PCMTD1: variants seen among roughly 807,000 people sequenced by gnomAD.
PCMTD1 encodes protein-L-isoaspartate (D-aspartate) O-methyltransferase domain containing 1.
A neutral mutation model predicts 37.6 loss-of-function variants in PCMTD1; 12 were observed. The observed-to-expected ratio is 0.32, with a 90% CI of 0.20 to 0.52. The LOEUF (loss-of-function observed/expected upper bound fraction) is 0.52, where lower values mean the gene tolerates loss of function less well. Among genes scored for constraint, PCMTD1 ranks in the 20% least tolerant of loss-of-function variants. The pLI is 0.97. For missense variants in PCMTD1, 235 were observed against 421.3 expected (o/e 0.56, Z 3.87); for synonymous variants, 117 against 135.8 (o/e 0.86, Z 0.96).
chr8:51,850,191 G>C, intron 2 of PCMTD1: 1 of 661,072 alleles, frequency 1.5e-6, no homozygotes, highest in Non-Finnish European at 2.7e-6. Flanking sequence ...TGTAAGACCG[G>C]TTCCCACTGT....
chr8:51,828,197 T>G (rs141375631), intron 5 of PCMTD1, among the ~76,000 whole-genome samples: 358 of 152,324 alleles, frequency 2.4e-3, no homozygotes, highest in African/African-American at 7.6e-3. Flanking sequence ...ATGATACTTA[T>G]GGTTGGGTCA....
chr8:51,898,789 T>A (rs1385834030), intron 1 of PCMTD1, 141 bp downstream of exon 1: 7 of 635,400 alleles, frequency 1.1e-5, no homozygotes, highest in Non-Finnish European at 1.4e-5. Context: ...CTGCCCGCCC[T>A]TAAGTCCCCC....
intron 1 of PCMTD1, among the ~76,000 whole-genome samples, chr8:51,891,670 C>T (rs956243234): frequency 7.7e-6 from 1 of 129,992 alleles, no homozygotes; most frequent in South Asian, 2.6e-4. Context: ...AAAAAAAAAA[C>T]AAAAAATATA....
intron 1 of PCMTD1, among the ~76,000 whole-genome samples, chr8:51,897,764 G>T (rs547122032): frequency 6.6e-6 from 1 of 152,090 alleles, no homozygotes; most frequent in Non-Finnish European, 1.5e-5. Context: ...TGAAGAAAAG[G>T]CTTCCCCAAG....
chr8:51,876,714 G>A (rs1215715723), intron 1 of PCMTD1, among the ~76,000 whole-genome samples: 1 of 152,126 alleles, frequency 6.6e-6, no homozygotes, highest in Non-Finnish European at 1.5e-5. Flanking sequence ...TGGCCAAACT[G>A]AATACATTTT....
chr8:51,831,410 A>G, intron 5 of PCMTD1, 34 bp downstream of exon 5: 3 of 1,604,952 alleles, frequency 1.9e-6, no homozygotes, highest in Non-Finnish European at 2.6e-6. Flanking sequence ...ACCATAAGTC[A>G]TAATTCAATC....
chr8:51,849,298 G>C (rs1302261376), intron 2 of PCMTD1: 1 of 151,944 alleles, frequency 6.6e-6, no homozygotes, highest in Non-Finnish European at 1.5e-5. Flanking sequence ...GTAATATATA[G>C]CTAATAGGTA....
At chr8:51,854,749 T>C (rs1331036693) in intron 2 of PCMTD1, among the ~76,000 whole-genome samples, 2 of 152,088 alleles carry the variant, frequency 1.3e-5, no homozygotes, top group Non-Finnish European at 2.9e-5. Context: ...TGGCGGCACA[T>C]GCCTGCAATC....
chr8:51,858,765 A>C (rs2038428408), intron 2 of PCMTD1, among the ~76,000 whole-genome samples: 1 of 152,206 alleles, frequency 6.6e-6, no homozygotes, highest in Admixed American at 6.5e-5. Flanking sequence ...TACAAAGATA[A>C]ATCCTGGAAT....
intron 1 of PCMTD1, among the ~76,000 whole-genome samples, chr8:51,875,952 GTGTGTGTGTC>G (rs1214604403): frequency 1.3e-5 from 2 of 149,356 alleles, no homozygotes; most frequent in African/African-American, 2.4e-5. Context: ...GTGTGTGTGT[GTGTGTGTGTC>G]TGTGTGTGTG....
At chr8:51,871,233 G>T (rs945481741) in intron 1 of PCMTD1, among the ~76,000 whole-genome samples, 4 of 152,172 alleles carry the variant, frequency 2.6e-5, no homozygotes, top group African/African-American at 9.7e-5. Flanking sequence ...GAAGTGAGAG[G>T]TGTCTAAAAG....
At chr8:51,829,975 T>TA (rs1563336727) in intron 5 of PCMTD1, among the ~76,000 whole-genome samples, 1 of 152,078 alleles carries the variant, frequency 6.6e-6, no homozygotes, top group Non-Finnish European at 1.5e-5. Context: ...ACCTCATGGT[T>TA]AAAAAAACTA....
At chr8:51,844,874 C>T (rs1020267926) in intron 3 of PCMTD1, 7 of 152,134 alleles carry the variant, frequency 4.6e-5, no homozygotes, top group African/African-American at 1.7e-4. Flanking sequence ...AGTGTTTTTG[C>T]CTAAAACTTT....
At chr8:51,891,091 C>G (rs2038929194) in intron 1 of PCMTD1, among the ~76,000 whole-genome samples, 1 of 152,134 alleles carries the variant, frequency 6.6e-6, no homozygotes, top group Non-Finnish European at 1.5e-5. Context: ...GGGAAAAAAG[C>G]AAAATCAAAT....
chr8:51,851,807 C>T (rs1244233393), intron 2 of PCMTD1, among the ~76,000 whole-genome samples: 3 of 152,086 alleles, frequency 2.0e-5, no homozygotes, highest in African/African-American at 7.2e-5. Flanking sequence ...TGAGCCACCA[C>T]GCCCGGCTAA....
chr8:51,873,850 G>A (rs2395826), intron 1 of PCMTD1, among the ~76,000 whole-genome samples: 76,673 of 151,778 alleles, frequency 0.51, 23,437 homozygotes, highest in Non-Finnish European at 0.68. Context: ...AGAACCATGA[G>A]CCAAACAAGC....
intron 3 of PCMTD1, among the ~76,000 whole-genome samples, chr8:51,843,373 T>C (rs1455561560): frequency 6.6e-6 from 1 of 152,142 alleles, no homozygotes; most frequent in Non-Finnish European, 1.5e-5. Flanking sequence ...GACTAGTTCA[T>C]GAATGTAAGA....
intron 1 of PCMTD1, among the ~76,000 whole-genome samples, chr8:51,880,194 T>C (rs2038772383): frequency 8.5e-6 from 1 of 117,070 alleles, no homozygotes; most frequent in African/African-American, 2.5e-5. Context: ...AGCAAGATCC[T>C]GTCTCCTTTT....
chr8:51,872,484 A>G (rs914287519), intron 1 of PCMTD1, among the ~76,000 whole-genome samples: 14 of 152,218 alleles, frequency 9.2e-5, no homozygotes, highest in Non-Finnish European at 1.3e-4. Flanking sequence ...AAACCTTTAA[A>G]ACAAGTTGTT....
Sources: gnomAD v4.1 joint callset for allele counts (sites outside exome capture counted in the v4.1 genomes callset) on GRCh38, gnomAD v4.1.1 for gene constraint, MANE v1.5 for transcripts, NCBI Gene and HGNC (gene_info 2026-07-23, HGNC 2026-07-21) for gene names.